Variants in NRG3 observed in about 807,000 individuals in gnomAD.
NRG3 encodes pro-neuregulin-3, membrane-bound isoform.
NRG3 carries 31 observed loss-of-function variants against 66.9 expected under a neutral mutation model. The ratio of observed to expected loss-of-function variants is 0.46; its 90% confidence interval spans 0.35 to 0.63. NRG3 has a LOEUF of 0.63. NRG3 is among the 20% of genes least tolerant of loss of function. The pLI is 0.00. For missense variants in NRG3, 910 were observed against 878.9 expected (o/e 1.04, Z -0.45); for synonymous variants, 393 against 359.4 (o/e 1.09, Z -1.06).
intron 1 of NRG3, among the ~76,000 whole-genome samples, chr10:82,073,229 C>T (rs1183739267): frequency 6.6e-6 from 1 of 152,038 alleles, no homozygotes; most frequent in Non-Finnish European, 1.5e-5. Flanking sequence ...GAGAGTTTCA[C>T]TACTTCTTAA....
At chr10:81,876,486 C>T (rs1216758568) in intron 1 of NRG3, among the ~76,000 whole-genome samples, 1 of 152,156 alleles carries the variant, frequency 6.6e-6, no homozygotes, top group African/African-American at 2.4e-5. Flanking sequence ...CACTGCAGAC[C>T]TGCTGGCGAG....
At chr10:82,257,016 C>G (rs1180303081) in intron 1 of NRG3, among the ~76,000 whole-genome samples, 2 of 152,144 alleles carry the variant, frequency 1.3e-5, no homozygotes, top group Admixed American at 6.5e-5. Context: ...ATAACCAGTA[C>G]TACTTCTCAT....
chr10:82,886,367 C>G, intron 4 of NRG3, among the ~76,000 whole-genome samples: 1 of 152,150 alleles, frequency 6.6e-6, no homozygotes, highest in Non-Finnish European at 1.5e-5. Context: ...CTCGCATATA[C>G]ATGAGTTTGA....
chr10:82,530,271 G>C (rs907744530), intron 2 of NRG3, among the ~76,000 whole-genome samples: 5 of 152,024 alleles, frequency 3.3e-5, no homozygotes, highest in African/African-American at 4.8e-5. Context: ...CAGAAATGTA[G>C]TAACAATAGC....
intron 1 of NRG3, among the ~76,000 whole-genome samples, chr10:82,171,230 A>G (rs150785379): frequency 2.0e-5 from 3 of 152,214 alleles, no homozygotes; most frequent in Admixed American, 2.0e-4. Context: ...CAAATCAATC[A>G]TTCTTTCTCC....
At chr10:82,441,056 C>T (rs1257434580) in intron 2 of NRG3, among the ~76,000 whole-genome samples, 1 of 152,126 alleles carries the variant, frequency 6.6e-6, no homozygotes, top group Non-Finnish European at 1.5e-5. Flanking sequence ...TGTGGAATTT[C>T]CTTTGGCATT....
intron 1 of NRG3, among the ~76,000 whole-genome samples, chr10:82,051,056 G>A (rs1202982626): frequency 6.6e-6 from 1 of 152,038 alleles, no homozygotes; most frequent in Non-Finnish European, 1.5e-5. Context: ...AATGGGCAAA[G>A]CAATATATCG....
Position 82,937,162 on chromosome 10 carries a change from T to C in NRG3, c.1055-14307T>C, listed in dbSNP as rs991688622. Among the ~76,000 whole-genome samples, 4 of 152,210 alleles carry C rather than the reference T, an allele frequency of 2.6e-5. No homozygotes were observed. The East Asian group carries it at 7.7e-4, about 29-fold the overall frequency. On this transcript the variant is annotated intron_variant, in intron 4 of 8. Coordinates refer to ENST00000372141, the MANE Select transcript of NRG3 (RefSeq NM_001010848.4). ...TTTCAAATAGTTTACATGTTACCTC[T>C]CAAATTCAGTTTTTACAATGGGTTC...
chr10:82,397,902 C>T (rs926513013), intron 2 of NRG3, among the ~76,000 whole-genome samples: 1 of 152,124 alleles, frequency 6.6e-6, no homozygotes, highest in Non-Finnish European at 1.5e-5. Flanking sequence ...AAAGAAAGGT[C>T]AAGGAAGACC....
At chr10:82,400,489 C>A (rs1442274512) in intron 2 of NRG3, among the ~76,000 whole-genome samples, 1 of 151,974 alleles carries the variant, frequency 6.6e-6, no homozygotes, top group Non-Finnish European at 1.5e-5. Flanking sequence ...TCAGATGACA[C>A]ACATGCTGCT....
intron 6 of NRG3, among the ~76,000 whole-genome samples, chr10:82,963,357 T>C (rs893301192): frequency 8.5e-5 from 13 of 152,182 alleles, no homozygotes; most frequent in African/African-American, 3.1e-4. Flanking sequence ...TTATAGGAAA[T>C]GAAGAGGCAG....
chr10:82,693,690 G>C (rs1444414579), intron 2 of NRG3, among the ~76,000 whole-genome samples: 2 of 152,322 alleles, frequency 1.3e-5, no homozygotes, highest in East Asian at 1.9e-4. Flanking sequence ...GGACCTTGCA[G>C]TGAGTGTTAC....
chr10:82,803,845 C>G (rs2061159603), intron 3 of NRG3, among the ~76,000 whole-genome samples: 3 of 152,190 alleles, frequency 2.0e-5, no homozygotes, highest in Admixed American at 2.0e-4. Context: ...AGTAGTCCCT[C>G]CTTATCCATG....
chr10:82,341,688 G>A (rs934770502), intron 1 of NRG3, among the ~76,000 whole-genome samples: 30 of 151,986 alleles, frequency 2.0e-4, no homozygotes, highest in African/African-American at 6.3e-4. Flanking sequence ...GGCTTTTAGT[G>A]TACTCATCAC....
intron 1 of NRG3, among the ~76,000 whole-genome samples, chr10:82,163,845 G>A (rs1180344135): frequency 6.6e-6 from 1 of 152,030 alleles, no homozygotes; most frequent in Non-Finnish European, 1.5e-5. Flanking sequence ...TATTTTCAGT[G>A]TGGTGAGATG....
At chr10:82,709,202 A>G (rs1490820696) in intron 2 of NRG3, among the ~76,000 whole-genome samples, 3 of 152,172 alleles carry the variant, frequency 2.0e-5, no homozygotes, top group Admixed American at 6.5e-5. Flanking sequence ...GCAGTTTTCT[A>G]TTCACACTAG....
At chr10:82,923,895 A>G (rs1406918377) in intron 4 of NRG3, among the ~76,000 whole-genome samples, 1 of 151,712 alleles carries the variant, frequency 6.6e-6, no homozygotes, top group Non-Finnish European at 1.5e-5. Context: ...TTAGGAGTTC[A>G]AGACCAGCCT....
chr10:82,586,950 A>G (rs542541063), intron 2 of NRG3, among the ~76,000 whole-genome samples: 17 of 152,074 alleles, frequency 1.1e-4, no homozygotes, highest in Non-Finnish European at 2.4e-4. Context: ...CATGTTTTTC[A>G]TGTTTTCATG....
chr10:82,375,536 CAAA>C (rs57526579), intron 2 of NRG3, among the ~76,000 whole-genome samples: 2 of 127,284 alleles, frequency 1.6e-5, no homozygotes, highest in African/African-American at 2.7e-5. Flanking sequence ...GACTCCATCT[CAAA>C]AAAAAAAAAA....
Sources: gnomAD v4.1 joint callset for allele counts (sites outside exome capture counted in the v4.1 genomes callset) on GRCh38, gnomAD v4.1.1 for gene constraint, MANE v1.5 for transcripts, NCBI Gene and HGNC (gene_info 2026-07-23, HGNC 2026-07-21) for gene names.